Variants in KCNMA1 observed in about 807,000 individuals in gnomAD.
KCNMA1 encodes the protein potassium calcium-activated channel subfamily M alpha 1.
KCNMA1 carries 29 observed loss-of-function variants against 140.0 expected under a neutral mutation model. The observed-to-expected ratio is 0.21, with a 90% CI of 0.15 to 0.28. The LOEUF (loss-of-function observed/expected upper bound fraction) is 0.28, where lower values mean the gene tolerates loss of function less well. Among genes scored for constraint, KCNMA1 ranks in the 10% least tolerant of loss-of-function variants. The pLI, the probability that KCNMA1 is intolerant of heterozygous loss-of-function variation, is 1.00. For synonymous variants in KCNMA1, 612 were observed against 611.9 expected (o/e 1.00, Z 0.00); for missense variants, 880 against 1,602.2 (o/e 0.55, Z 7.70).
In KCNMA1 at chr10:76,885,286, A is replaced by C. The variant is rs2036386078; in HGVS notation, c.*1980T>G. On this transcript the variant is annotated 3_prime_UTR_variant, in exon 28 of 28. Transcript: ENST00000286628. ...AGTTTATATAAAGAGATAGTTATAC[A>C]TAATATAAATCAATATATAGAGGGA... is the stretch of plus-strand genomic sequence containing the variant. The C allele has an allele frequency of 1.5e-6, 1 of 678,788 alleles. No homozygotes were observed. Among genetic ancestry groups the C allele is most frequent in the Non-Finnish European group, 1.8e-6 (1 of 551,468 alleles). 42.0% of individuals were successfully genotyped at this position (678,788 alleles called of 1,614,324 possible). A position where few individuals can be genotyped will look rare whatever the true frequency, so the allele number is the denominator to read the frequency against.
At chr10:77,401,004 C>T (rs2096246222) in intron 2 of KCNMA1, among the ~76,000 whole-genome samples, 1 of 151,786 alleles carries the variant, frequency 6.6e-6, no homozygotes. Context: ...TGCTCCCATG[C>T]CATCACTAAA....
chr10:76,928,291 A>ACACACACACACGAACACGCGCGCG (rs2058328353), intron 23 of KCNMA1, among the ~76,000 whole-genome samples: 2 of 71,504 alleles, frequency 2.8e-5, no homozygotes, highest in East Asian at 4.3e-4. Flanking sequence ...ACGCGCGCGC[A>ACACACACACACGAACACGCGCGCG]CACACACACA....
At chr10:76,970,439 C>T (rs529242310) in intron 19 of KCNMA1, 7 of 226,802 alleles carry the variant, frequency 3.1e-5, no homozygotes, top group Admixed American at 5.1e-5. Flanking sequence ...TAATAGACTG[C>T]GTTTTGTTGT....
chr10:76,979,412 C>A (rs2078714545), intron 19 of KCNMA1: 1 of 152,170 alleles, frequency 6.6e-6, no homozygotes. Context: ...ATTTACATTT[C>A]CACTTTGGGG....
intron 25 of KCNMA1, among the ~76,000 whole-genome samples, chr10:76,899,408 T>C (rs183139509): frequency 3.5e-4 from 54 of 152,300 alleles, no homozygotes; most frequent in African/African-American, 1.3e-3. Context: ...AGAATGGATT[T>C]ATGAGAACCA....
At chr10:77,012,472 C>G (rs1028842436) in intron 17 of KCNMA1, 11 of 1,549,976 alleles carry the variant, frequency 7.1e-6, no homozygotes, top group Admixed American at 2.0e-5. Context: ...AGAAGTATGT[C>G]GTTTCTCAGT....
At chr10:77,499,403 G>GTATATATATATATATATATATATATA (rs71028280) in intron 1 of KCNMA1, among the ~76,000 whole-genome samples, 19 of 142,488 alleles carry the variant, frequency 1.3e-4, no homozygotes, top group African/African-American at 4.7e-4. Context: ...CAGTAGGCAT[G>GTATATATATATATATATATATATATA]TATATATATA....
At chr10:77,170,892 T>C (rs2098699082) in intron 5 of KCNMA1, among the ~76,000 whole-genome samples, 1 of 152,204 alleles carries the variant, frequency 6.6e-6, no homozygotes. Context: ...CAAGTTGAAA[T>C]TGTAATATGG....
chr10:77,012,615 C>G lies in KCNMA1; in HGVS notation c.2016-572G>C, dbSNP rs41274572. ...AGTGGGTTCCTCTGTCAAACCCCCT[C>G]TGGAGTTTCACAGCTTATTTTACTC... is the stretch of plus-strand genomic sequence containing the variant. On this transcript the variant is annotated intron_variant, in intron 17 of 27. Coordinates refer to ENST00000286628, the MANE Select transcript of KCNMA1 (RefSeq NM_001161352.2). 8.5e-4 allele frequency: 1,179 copies of G among 1,384,968 alleles called. 2 individuals are homozygous for G. The highest frequency in any genetic ancestry group is 1.1e-3 in the Non-Finnish European group (1,054 of 999,044). The allele number at this position is 1,384,968 out of a possible 1,614,324, so 85.8% of individuals were successfully genotyped here.
intron 16 of KCNMA1, among the ~76,000 whole-genome samples, chr10:77,026,611 C>T (rs2093479469): frequency 6.6e-6 from 1 of 152,182 alleles, no homozygotes; most frequent in South Asian, 2.1e-4. Flanking sequence ...TTAACTGCTA[C>T]AGCCATGTTC....
Position 76,887,307 on chromosome 10 carries a change from ACTC to A in KCNMA1, c.3667_3669del (p.Glu1223del). ...TGCACGTACTTCTGTTTGTCCCGGG[ACTC>A]CCTGGACTTGGGCCGGTTCTGTCGG... On this transcript the variant is annotated inframe_deletion, in exon 28 of 28. Coordinates refer to ENST00000286628, the MANE Select transcript of KCNMA1 (RefSeq NM_001161352.2). The A allele has an allele frequency of 6.2e-7, 1 of 1,613,704 alleles. No individual in the cohort carries two copies. Among genetic ancestry groups the A allele is most frequent in the East Asian group, 2.2e-5 (1 of 44,846 alleles).
chr10:77,527,030 A>G (rs2056013206), intron 1 of KCNMA1, among the ~76,000 whole-genome samples: 1 of 152,266 alleles, frequency 6.6e-6, no homozygotes, highest in Non-Finnish European at 1.5e-5. Flanking sequence ...AAACAGCATT[A>G]GAGGGAAATA....
intron 1 of KCNMA1, among the ~76,000 whole-genome samples, chr10:77,629,934 G>A (rs114727716): frequency 0.014 from 2,085 of 152,284 alleles, 40 homozygotes; most frequent in African/African-American, 0.047. Context: ...AACATAAAAA[G>A]CACATCTCAT....
At chr10:77,452,082 G>A (rs922193039) in intron 1 of KCNMA1, among the ~76,000 whole-genome samples, 4 of 152,188 alleles carry the variant, frequency 2.6e-5, no homozygotes, top group African/African-American at 7.2e-5. Context: ...AGAGCAAAGT[G>A]CTTTTTAACA....
At chr10:77,589,623 G>C (rs976123567) in intron 1 of KCNMA1, among the ~76,000 whole-genome samples, 3 of 152,082 alleles carry the variant, frequency 2.0e-5, no homozygotes, top group Non-Finnish European at 2.9e-5. Context: ...GCAGACCCTC[G>C]CGGTGAGTGT....
chr10:77,291,412 G>C (rs1026435997), intron 2 of KCNMA1, among the ~76,000 whole-genome samples: 1 of 151,906 alleles, frequency 6.6e-6, no homozygotes, highest in African/African-American at 2.4e-5. Context: ...TCAGCAAGAA[G>C]AAAAAGGAAG....
chr10:77,471,768 C>T (rs2098161112), intron 1 of KCNMA1, among the ~76,000 whole-genome samples: 1 of 151,506 alleles, frequency 6.6e-6, no homozygotes, highest in Non-Finnish European at 1.5e-5. Context: ...CATCCACGTA[C>T]ATACCACACA....
chr10:77,365,804 G>C (rs1477040754), intron 2 of KCNMA1, among the ~76,000 whole-genome samples: 2 of 152,122 alleles, frequency 1.3e-5, no homozygotes, highest in Non-Finnish European at 2.9e-5. Flanking sequence ...ACCTCTCATG[G>C]AGATCTCTGG....
chr10:77,079,336 G>C (rs2096494691), intron 13 of KCNMA1, 145 bp downstream of exon 13: 1 of 695,576 alleles, frequency 1.4e-6, no homozygotes, highest in Non-Finnish European at 2.6e-6. Context: ...TCTTTACCCA[G>C]GTCTTTGAGT....
Sources: gnomAD v4.1 joint callset for allele counts (sites outside exome capture counted in the v4.1 genomes callset) on GRCh38, gnomAD v4.1.1 for gene constraint, MANE v1.5 for transcripts, NCBI Gene and HGNC (gene_info 2026-07-23, HGNC 2026-07-21) for gene names.